ZNF782: variants seen among roughly 807,000 people sequenced by gnomAD.
ZNF782 encodes the protein zinc finger protein 782.
ZNF782 carries 12 observed loss-of-function variants against 13.0 expected under a neutral mutation model. That is an observed-to-expected ratio of 0.92 (90% confidence interval 0.59 to 1.50). The LOEUF (loss-of-function observed/expected upper bound fraction) is 1.50. Among genes scored for constraint, ZNF782 ranks in the 40% most tolerant of loss-of-function variants. The pLI is 0.00. For synonymous variants in ZNF782, 284 were observed against 283.0 expected (o/e 1.00, Z -0.04); for missense variants, 770 against 822.9 (o/e 0.94, Z 0.79).
intron 5 of ZNF782, among the ~76,000 whole-genome samples, chr9:96,820,041 A>G (rs991095001): frequency 5.9e-5 from 9 of 152,208 alleles, no homozygotes; most frequent in Non-Finnish European, 1.3e-4. Flanking sequence ...TGAATAGAGA[A>G]GAGGATATAA....
Position 96,866,869 on chromosome 9 carries a change from C to T in ZNF782, c.-456-5266G>A, listed in dbSNP as rs149589792. ...AAGATTTGACTGCCCTGCTGGATTT[C>T]GGACTTGCCTGGGGCCTGTAGCCCC... On this transcript the variant is annotated intron_variant, in intron 1 of 5. Transcript: ENST00000498811. Among the ~76,000 whole-genome samples, 1,414 of 152,348 alleles carry T rather than the reference C, an allele frequency of 9.3e-3. 52 individuals are homozygous for T. In the East Asian group the frequency reaches 0.1, roughly 11 times the overall value.
At chr9:96,887,041 C>T in the ZNF782 span, among the ~76,000 whole-genome samples, 3 of 151,248 alleles carry the variant, frequency 2.0e-5, no homozygotes, top group Admixed American at 6.6e-5. Context: ...TGGCCGGATG[C>T]GGTGGCTCAC....
intron 1 of ZNF782, among the ~76,000 whole-genome samples, chr9:96,866,118 A>G (rs927118892): frequency 3.9e-5 from 6 of 152,242 alleles, no homozygotes; most frequent in Non-Finnish European, 5.9e-5. Context: ...AGAAATTTGC[A>G]TAAGTAATGA....
chr9:96,899,991 G>A, the ZNF782 span, among the ~76,000 whole-genome samples: 2 of 151,880 alleles, frequency 1.3e-5, no homozygotes, highest in African/African-American at 2.4e-5. Context: ...TAGAGATGAG[G>A]TTTTGCCACG....
chr9:96,874,825 GAA>G (rs1851873562), intron 1 of ZNF782, among the ~76,000 whole-genome samples: 4 of 152,192 alleles, frequency 2.6e-5, no homozygotes, highest in Admixed American at 2.0e-4. Context: ...CAGGGCCTGG[GAA>G]ACAAATTTTA....
At chr9:96,826,399 T>C (rs1850621472) in intron 5 of ZNF782, among the ~76,000 whole-genome samples, 1 of 149,138 alleles carries the variant, frequency 6.7e-6, no homozygotes, top group Admixed American at 6.8e-5. Flanking sequence ...GGGACTGTTG[T>C]GGGGTTGGGG....
chr9:96,829,874 T>G (rs888394446), intron 4 of ZNF782, among the ~76,000 whole-genome samples: 9 of 152,202 alleles, frequency 5.9e-5, no homozygotes, highest in African/African-American at 2.2e-4. Context: ...CTCCTATCTT[T>G]TCTGGCATGT....
chr9:96,891,311 ATTT>A, the ZNF782 span: 4 of 152,136 alleles, frequency 2.6e-5, no homozygotes, highest in South Asian at 2.1e-4. Flanking sequence ...TGGAAAAAAA[ATTT>A]TTGTTTTGCA....
In ZNF782 at chr9:96,818,135, T is replaced by C; in HGVS notation, c.1888A>G (p.Lys630Glu). The change falls in exon 6 of 6, where the codon AAG (lysine) becomes GAG (glutamate). Residue 630 changes from lysine (K) to glutamate (E), a missense_variant. Lys to Glu is a moderately conservative substitution (Grantham distance 56). Transcript: ENST00000481138. ...CNECGKAFSE[K>E]SVLRKHQRTH... Reference sequence around the variant, plus strand: ...CGCTGATGTTTTCTTAGGACTGACTTCTCACTGAAAGCTTTTCCACATTCA... The same window carrying C: ...CGCTGATGTTTTCTTAGGACTGACTCCTCACTGAAAGCTTTTCCACATTCA... 6.2e-7 allele frequency: 1 copy of C among 1,614,100 alleles called. No homozygotes were observed. The highest frequency in any genetic ancestry group is 8.5e-7 in the Non-Finnish European group (1 of 1,180,000).
Position 96,817,802 on chromosome 9 carries a change from G to T in ZNF782, c.*121C>A. 1 of 856,512 alleles carries T rather than the reference G, an allele frequency of 1.2e-6. No individual in the cohort carries two copies. Among genetic ancestry groups the T allele is most frequent in the South Asian group, 2.4e-5 (1 of 41,302 alleles). The allele number at this position is 856,512 out of a possible 1,614,324, so 53.1% of individuals were successfully genotyped here. A position where few individuals can be genotyped will look rare whatever the true frequency, so the allele number is the denominator to read the frequency against. On this transcript the variant is annotated 3_prime_UTR_variant, in exon 6 of 6. Coordinates refer to ENST00000481138, the MANE Select transcript of ZNF782 (RefSeq NM_001001662.3). ...TATTCTTTGATATTTGGTGGAGGCT[G>T]AAATTGTAGAGGAAATTCCAGTGCT...
chr9:96,922,761 G>A, the ZNF782 span, among the ~76,000 whole-genome samples: 3 of 151,654 alleles, frequency 2.0e-5, no homozygotes, highest in East Asian at 5.9e-4. Flanking sequence ...GCGACAGAGC[G>A]AGACTCCGTC....
rs1485729818 is a variant in ZNF782, at chr9:96,824,171, C to A, written c.244+2909G>T. ...AAATCCTCAATAAAATACTGGCAAA[C>A]CGAATCCAGCAGCACATCAAAAAGC... On this transcript the variant is annotated intron_variant, in intron 5 of 5. Transcript: ENST00000481138. 7.6e-3 allele frequency among the ~76,000 whole-genome samples: 1,145 copies of A among 150,036 alleles called. 7 individuals are homozygous for A. The highest frequency in any genetic ancestry group is 0.026 in the African/African-American group (1,050 of 40,620).
At chr9:96,868,198 TC>T (rs1851782118) in intron 1 of ZNF782, among the ~76,000 whole-genome samples, 1 of 152,244 alleles carries the variant, frequency 6.6e-6, no homozygotes, top group Non-Finnish European at 1.5e-5. Flanking sequence ...CATCAGGCTT[TC>T]CAATTTAGGA....
At chr9:96,845,764 T>C (rs916687865) in intron 3 of ZNF782, among the ~76,000 whole-genome samples, 2 of 152,152 alleles carry the variant, frequency 1.3e-5, no homozygotes, top group African/African-American at 2.4e-5. Flanking sequence ...ACAAAAAGTC[T>C]AGAAAACTTA....
At chr9:96,876,116 TC>T (rs1196588826), upstream of ZNF782, among the ~76,000 whole-genome samples, 5 of 152,286 alleles carry the variant, frequency 3.3e-5, no homozygotes, top group African/African-American at 1.2e-4. Context: ...CGGTGCGTGG[TC>T]CTCCATCAAA....
At chr9:96,861,833 C>T (rs1851704947) in intron 1 of ZNF782, among the ~76,000 whole-genome samples, 2 of 152,124 alleles carry the variant, frequency 1.3e-5, no homozygotes, top group African/African-American at 2.4e-5. Flanking sequence ...TTTAGTACAA[C>T]CACTATAGAG....
At chr9:96,842,697 A>C (rs1217770146) in intron 4 of ZNF782, among the ~76,000 whole-genome samples, 5 of 152,120 alleles carry the variant, frequency 3.3e-5, no homozygotes, top group Non-Finnish European at 7.4e-5. Flanking sequence ...AAAACTGATA[A>C]ACTGGACTTC....
chr9:96,885,372 AATAGT>A, the ZNF782 span, among the ~76,000 whole-genome samples: 1 of 152,202 alleles, frequency 6.6e-6, no homozygotes, highest in Non-Finnish European at 1.5e-5. Flanking sequence ...GGATATGCTC[AATAGT>A]ATAGTGGACA....
chr9:96,887,714 C>T, the ZNF782 span: 1 of 152,142 alleles, frequency 6.6e-6, no homozygotes, highest in Non-Finnish European at 1.5e-5. Flanking sequence ...AAGACACTTG[C>T]ACACGTATGT....
Sources: allele counts gnomAD v4.1 joint callset (sites outside exome capture counted in the v4.1 genomes callset), GRCh38; gene constraint gnomAD v4.1.1; transcripts MANE v1.5; gene names NCBI Gene and HGNC (gene_info 2026-07-23, HGNC 2026-07-21).